Variants in PTPRZ1 observed in about 807,000 individuals in gnomAD.
PTPRZ1 encodes protein tyrosine phosphatase receptor type Z1, also known as receptor-type tyrosine-protein phosphatase zeta.
In PTPRZ1, 82 loss-of-function variants were observed where a neutral mutation model predicts 214.1. The observed-to-expected ratio is 0.38, with a 90% CI of 0.32 to 0.46. The LOEUF (loss-of-function observed/expected upper bound fraction) is 0.46. Ranked by LOEUF, PTPRZ1 falls within the 20% of genes least tolerant of loss-of-function variation. The pLI, the probability that PTPRZ1 is intolerant of heterozygous loss-of-function variation, is 1.00. For synonymous variants in PTPRZ1, 945 were observed against 987.9 expected (o/e 0.96, Z 0.81); for missense variants, 2,603 against 2,748.7 (o/e 0.95, Z 1.19).
intron 26 of PTPRZ1, 91 bp downstream of exon 26, chr7:122,054,129 A>T: frequency 5.6e-6 from 8 of 1,440,932 alleles, no homozygotes; most frequent in Non-Finnish European, 7.6e-6. Context: ...CAAGCAAAGT[A>T]ATTTTGTTTT....
intron 1 of PTPRZ1, among the ~76,000 whole-genome samples, chr7:121,922,153 G>A (rs1206499): frequency 0.021 from 3,209 of 152,230 alleles, 73 homozygotes; most frequent in African/African-American, 0.052. Flanking sequence ...GATCATTTGG[G>A]TCATAAACTC....
At position 121,983,831 on chromosome 7, in the gene PTPRZ1, A is replaced by G. The variant is rs1312041280; in HGVS notation, c.777+9A>G. ...GCATCTCTGAAAGCCAGGTAATCTT[A>G]GAAATTCAAACAAATCAAGTAATTC... is the stretch of plus-strand genomic sequence containing the variant. On this transcript the variant is annotated intron_variant, in intron 7 of 29. Coordinates refer to ENST00000393386, the MANE Select transcript of PTPRZ1 (RefSeq NM_002851.3). 1 of 1,607,742 alleles carries G rather than the reference A, an allele frequency of 6.2e-7. No individual in the cohort carries two copies. The highest frequency in any genetic ancestry group is 1.3e-5 in the African/African-American group (1 of 74,744).
intron 13 of PTPRZ1, among the ~76,000 whole-genome samples, chr7:122,022,034 T>C (rs1003194150): frequency 1.3e-5 from 2 of 152,218 alleles, no homozygotes; most frequent in Admixed American, 1.3e-4. Flanking sequence ...CACTAGCCAA[T>C]ATATAAACAT....
Position 121,997,886 on chromosome 7 carries a change from A to G in PTPRZ1, c.1120A>G (p.Ile374Val), listed in dbSNP as rs747226305. 4.4e-6 allele frequency: 7 copies of G among 1,604,254 alleles called. No homozygotes were observed. In the Admixed American group the frequency reaches 8.4e-5, roughly 19 times the overall value. Residue 374 changes from isoleucine (I) to valine (V), a missense_variant, in exon 10 of 30, where the codon ATT becomes GTT. By Grantham distance (29) the Ile-to-Val change is conservative. Transcript: ENST00000393386. ...ACTAACATCTTTCTTTTAGGGTGCT[A>G]TTCTCAATAATTTGCTACCCAATAT... is the stretch of plus-strand genomic sequence containing the variant. ...LTDGYQDLGA[I>V]LNNLLPNMSY...
At chr7:121,959,091 G>T (rs1196496) in intron 2 of PTPRZ1, among the ~76,000 whole-genome samples, 4 of 151,924 alleles carry the variant, frequency 2.6e-5, no homozygotes, top group African/African-American at 9.7e-5. Flanking sequence ...CCAAAGTGCT[G>T]GGATTACAGG....
intron 2 of PTPRZ1, among the ~76,000 whole-genome samples, chr7:121,934,487 CAAAAAAAAAAAAAA>C (rs529475632): frequency 3.9e-5 from 3 of 77,064 alleles, no homozygotes; most frequent in Non-Finnish European, 7.4e-5. Flanking sequence ...GACTCCGTCT[CAAAAAAAAAAAAAA>C]AAAAAAAAAA....
chr7:121,954,906 C>CAGT (rs1393256470), intron 2 of PTPRZ1, among the ~76,000 whole-genome samples: 2 of 152,150 alleles, frequency 1.3e-5, no homozygotes, highest in Non-Finnish European at 2.9e-5. Flanking sequence ...TGAATGTGAC[C>CAGT]AGTAACAATG....
At chr7:121,898,526 A>C (rs543200534) in intron 1 of PTPRZ1, among the ~76,000 whole-genome samples, 7 of 152,186 alleles carry the variant, frequency 4.6e-5, no homozygotes, top group African/African-American at 1.7e-4. Flanking sequence ...GTCTGATGTC[A>C]GCCTTCATTT....
chr7:122,055,777 G>A (rs1329714224), intron 27 of PTPRZ1, among the ~76,000 whole-genome samples: 1 of 151,774 alleles, frequency 6.6e-6, no homozygotes, highest in African/African-American at 2.4e-5. Flanking sequence ...TGATGTCTAA[G>A]GAATGTGAGA....
chr7:121,997,771 G>A, intron 9 of PTPRZ1, 109 bp from the exon 10 acceptor site: 1 of 782,060 alleles, frequency 1.3e-6, no homozygotes, highest in Non-Finnish European at 1.9e-6. Context: ...TAATAAAATA[G>A]AAGTATTTTC....
At chr7:121,990,734 G>A (rs1158681722) in intron 8 of PTPRZ1, among the ~76,000 whole-genome samples, 2 of 151,940 alleles carry the variant, frequency 1.3e-5, no homozygotes, top group African/African-American at 4.8e-5. Flanking sequence ...TGGCCAGACT[G>A]GTCTCGAACT....
chr7:121,933,472 C>CA (rs1354162102), intron 2 of PTPRZ1, among the ~76,000 whole-genome samples: 2 of 152,070 alleles, frequency 1.3e-5, no homozygotes, highest in African/African-American at 4.8e-5. Context: ...AAAACCTTAA[C>CA]ACCTTTAAAA....
chr7:122,017,782 G>A (rs1478475323), intron 12 of PTPRZ1, among the ~76,000 whole-genome samples: 2 of 151,648 alleles, frequency 1.3e-5, no homozygotes, highest in Non-Finnish European at 2.9e-5. Flanking sequence ...ATGTTGGCCA[G>A]GCTGGTCTTG....
intron 1 of PTPRZ1, among the ~76,000 whole-genome samples, chr7:121,899,562 A>C (rs781349340): frequency 6.6e-6 from 1 of 152,166 alleles, no homozygotes; most frequent in Non-Finnish European, 1.5e-5. Context: ...CTTTCAGGCT[A>C]TCTCTCTCCT....
chr7:122,017,904 C>A (rs2116679791), intron 12 of PTPRZ1, among the ~76,000 whole-genome samples: 1 of 152,112 alleles, frequency 6.6e-6, no homozygotes, highest in Non-Finnish European at 1.5e-5. Flanking sequence ...GATTAAATTC[C>A]TGTCCCTTTC....
intron 23 of PTPRZ1, 91 bp from the exon 24 acceptor site, chr7:122,051,337 G>C (rs1013422725): frequency 1.3e-6 from 1 of 742,526 alleles, no homozygotes; most frequent in African/African-American, 1.8e-5. Flanking sequence ...CTTGATTGGT[G>C]TGTGTGTGTG....
At position 122,051,536 on chromosome 7, in the gene PTPRZ1, T is replaced by G. The variant is rs973201889; in HGVS notation, c.6178+15T>G. 22 of 1,597,888 alleles carry G rather than the reference T, an allele frequency of 1.4e-5. No individual in the cohort carries two copies. Among genetic ancestry groups the G allele is most frequent in the Non-Finnish European group, 1.9e-5 (22 of 1,173,052 alleles). On this transcript the variant is annotated intron_variant, in intron 24 of 29. Transcript: ENST00000393386. ...TATCATCCCTGGTAAGTTGTGTTGA[T>G]CCTTGAAAAAACAACTTTTTTAAAA...
intron 2 of PTPRZ1, among the ~76,000 whole-genome samples, chr7:121,952,494 T>C (rs1796584636): frequency 6.6e-6 from 1 of 152,108 alleles, no homozygotes; most frequent in African/African-American, 2.4e-5. Context: ...ACTGAGGCAG[T>C]AGAATCACTT....
chr7:121,911,412 A>AT (rs988685949), intron 1 of PTPRZ1, among the ~76,000 whole-genome samples: 10 of 152,116 alleles, frequency 6.6e-5, no homozygotes, highest in African/African-American at 2.4e-4. Context: ...GTAACTGGCC[A>AT]TTTTTGTGAA....
Sources: gnomAD v4.1 joint callset for allele counts (sites outside exome capture counted in the v4.1 genomes callset) on GRCh38, gnomAD v4.1.1 for gene constraint, MANE v1.5 for transcripts, NCBI Gene and HGNC (gene_info 2026-07-23, HGNC 2026-07-21) for gene names.